Variants in UTRN observed in about 807,000 individuals in gnomAD.
UTRN encodes dystrophin-related protein 1.
UTRN carries 283 observed loss-of-function variants against 463.9 expected under a neutral mutation model. The observed-to-expected ratio is 0.61, with a 90% confidence interval of 0.55 to 0.67. UTRN has a LOEUF of 0.67. UTRN is among the 30% of genes least tolerant of loss of function. The pLI is 0.00. For synonymous variants in UTRN, 1,442 were observed against 1,431.5 expected (o/e 1.01, Z -0.17); for missense variants, 3,922 against 4,084.3 (o/e 0.96, Z 1.08).
chr6:144,643,098 A>T (rs1777928169), intron 51 of UTRN, among the ~76,000 whole-genome samples: 1 of 152,196 alleles, frequency 6.6e-6, no homozygotes, highest in South Asian at 2.1e-4. Context: ...ATTTTATAAT[A>T]GATTGTCCTG....
intron 2 of UTRN, among the ~76,000 whole-genome samples, chr6:144,307,189 A>T (rs1415788910): frequency 6.6e-6 from 1 of 152,184 alleles, no homozygotes; most frequent in Non-Finnish European, 1.5e-5. Flanking sequence ...AAGAATTAAG[A>T]AGTGGTTTTT....
chr6:144,449,370 C>T (rs1206852893), intron 17 of UTRN, among the ~76,000 whole-genome samples: 1 of 152,156 alleles, frequency 6.6e-6, no homozygotes, highest in Non-Finnish European at 1.5e-5. Flanking sequence ...TCCCCTGGTG[C>T]TGCTGTGGTG....
intron 2 of UTRN, among the ~76,000 whole-genome samples, chr6:144,399,707 C>A (rs1014178105): frequency 6.6e-6 from 1 of 152,178 alleles, no homozygotes; most frequent in Non-Finnish European, 1.5e-5. Flanking sequence ...ATAGGGGAAA[C>A]AACTCCTAAT....
chr6:144,645,777 A>T (rs1480228338), intron 51 of UTRN, among the ~76,000 whole-genome samples: 1 of 152,150 alleles, frequency 6.6e-6, no homozygotes, highest in African/African-American at 2.4e-5. Context: ...TGTGAGTATT[A>T]TGGGCTTCTC....
chr6:144,813,556 A>G (rs1026526958), intron 65 of UTRN, among the ~76,000 whole-genome samples: 9 of 152,208 alleles, frequency 5.9e-5, no homozygotes, highest in Non-Finnish European at 1.3e-4. Context: ...ATTTATAAAG[A>G]GACATTTGTA....
At chr6:144,375,529 G>A (rs529822686) in intron 2 of UTRN, among the ~76,000 whole-genome samples, 71 of 152,220 alleles carry the variant, frequency 4.7e-4, no homozygotes, top group African/African-American at 1.7e-3. Context: ...CAGTTTCCTG[G>A]TGGTTGGGTG....
Position 144,440,433 on chromosome 6 carries a change from G to A in UTRN, c.1474G>A (p.Gly492Ser). The change falls in exon 13 of 75, where the codon GGT becomes AGT. Residue 492 changes from glycine to serine, a missense_variant. Gly to Ser is a moderately conservative substitution (Grantham distance 56). Around this residue, in one of 3 missense-constraint regions of UTRN, gnomAD observed 2,349 missense variants for 2,303.8 expected, o/e 1.02. Transcript: ENST00000367545. Reference sequence around the variant, plus strand: ...GGTGGTCATTGTTGATGAAAACAGTGGTGAGAGTGCTACAGCTATCCTAGA... The same window carrying A: ...GGTGGTCATTGTTGATGAAAACAGTAGTGAGAGTGCTACAGCTATCCTAGA... ...HMVVIVDENS[G>S]ESATAILEDQ... 6.2e-7 allele frequency: 1 copy of A among 1,614,216 alleles called. No homozygotes were observed. The highest frequency in any genetic ancestry group is 8.5e-7 in the Non-Finnish European group (1 of 1,180,030).
chr6:144,348,892 C>T (rs112870711), intron 2 of UTRN, among the ~76,000 whole-genome samples: 9,813 of 152,068 alleles, frequency 0.065, 1,006 homozygotes, highest in African/African-American at 0.22. Context: ...AGAGGTTGCG[C>T]CATTGCACTC....
chr6:144,645,697 G>A (rs79096695), intron 51 of UTRN, among the ~76,000 whole-genome samples: 5 of 152,212 alleles, frequency 3.3e-5, no homozygotes, highest in Non-Finnish European at 5.9e-5. Flanking sequence ...GTTGTATAAC[G>A]GGGCTGTTGG....
chr6:144,784,243 G>A (rs1235873750), intron 61 of UTRN, among the ~76,000 whole-genome samples: 1 of 152,178 alleles, frequency 6.6e-6, no homozygotes, highest in Non-Finnish European at 1.5e-5. Flanking sequence ...CTGACACACT[G>A]TTTTGGTTTT....
intron 51 of UTRN, among the ~76,000 whole-genome samples, chr6:144,615,016 G>C (rs1805935448): frequency 6.6e-6 from 1 of 152,078 alleles, no homozygotes; most frequent in Non-Finnish European, 1.5e-5. Flanking sequence ...TTCATTTATA[G>C]GGTATAAAAT....
Position 144,699,473 on chromosome 6 carries a change from G to GTTT in UTRN, c.7653-589_7653-587dup, listed in dbSNP as rs71024902. 5.8e-3 allele frequency among the ~76,000 whole-genome samples: 390 copies of GTTT among 67,604 alleles called. 27 individuals carry two copies. The highest frequency in any genetic ancestry group is 0.031 in the East Asian group (57 of 1,828). 44.4% of individuals were successfully genotyped at this position (67,604 alleles called of 152,430 possible). A position where few individuals can be genotyped will look rare whatever the true frequency, so the allele number is the denominator to read the frequency against. On this transcript the variant is annotated intron_variant, in intron 52 of 74. Transcript: ENST00000367545. The stretch of plus-strand genomic sequence containing the variant: ...AAATAATAATAATAATTAGTCAGTG[G>GTTT]TTTTTTTTTTTTTTTTTTTTTTTTT...
chr6:144,578,986 A>G (rs560104411), intron 51 of UTRN, among the ~76,000 whole-genome samples: 2 of 152,320 alleles, frequency 1.3e-5, no homozygotes, highest in African/African-American at 4.8e-5. Flanking sequence ...AAGTTACACA[A>G]TTTGAAAAAC....
intron 51 of UTRN, among the ~76,000 whole-genome samples, chr6:144,622,022 C>T (rs937040181): frequency 6.6e-6 from 1 of 151,642 alleles, no homozygotes; most frequent in African/African-American, 2.4e-5. Context: ...ATAAATAGAT[C>T]TTCATTGTAT....
At chr6:144,610,077 G>C (rs1805314759) in intron 51 of UTRN, among the ~76,000 whole-genome samples, 1 of 142,384 alleles carries the variant, frequency 7.0e-6, no homozygotes, top group Non-Finnish European at 1.5e-5. Flanking sequence ...AAAGAACAAA[G>C]ATCAGAGCCA....
chr6:144,721,198 A>C (rs540340210), intron 53 of UTRN, among the ~76,000 whole-genome samples: 1 of 152,292 alleles, frequency 6.6e-6, no homozygotes, highest in East Asian at 1.9e-4. Context: ...ACATGATTTC[A>C]GTATTCCCTT....
At chr6:144,530,401 T>C (rs1268593756) in intron 41 of UTRN, among the ~76,000 whole-genome samples, 4 of 152,172 alleles carry the variant, frequency 2.6e-5, no homozygotes, top group Non-Finnish European at 5.9e-5. Flanking sequence ...GAAAGCTCTA[T>C]CTCTAAGTAC....
chr6:144,666,207 G>A (rs562895665), intron 51 of UTRN, among the ~76,000 whole-genome samples: 3 of 152,244 alleles, frequency 2.0e-5, no homozygotes, highest in Admixed American at 2.0e-4. Context: ...GACATCCTGA[G>A]TTTCAAATCA....
At chr6:144,538,625 G>A (rs6902433) in intron 44 of UTRN, among the ~76,000 whole-genome samples, 4,256 of 150,414 alleles carry the variant, frequency 0.028, 203 homozygotes, top group African/African-American at 0.089. Flanking sequence ...AGCCGAGATC[G>A]TGCCACTGCA....
Sources: gnomAD v4.1 joint callset for allele counts (sites outside exome capture counted in the v4.1 genomes callset) on GRCh38, gnomAD v4.1.1 for gene constraint, gnomAD v4.1.1 regional missense constraint, MANE v1.5 for transcripts, NCBI Gene and HGNC (gene_info 2026-07-23, HGNC 2026-07-21) for gene names.